The following ST6GALNAC5 variants were observed in gnomAD, a reference collection of about 807,000 sequenced individuals.
ST6GALNAC5 encodes alpha-N-acetylgalactosaminide alpha-2,6-sialyltransferase 5.
Under a neutral mutation model 33.6 loss-of-function variants are expected in ST6GALNAC5, and 27 were observed. That is an observed-to-expected ratio of 0.80 (90% CI 0.59 to 1.11). ST6GALNAC5 has a LOEUF of 1.11. Among genes scored for constraint, ST6GALNAC5 ranks in the 50% least tolerant of loss-of-function variants. ST6GALNAC5 has a pLI of 0.00. For missense variants in ST6GALNAC5, 428 were observed against 454.0 expected (o/e 0.94, Z 0.52); for synonymous variants, 194 against 171.2 (o/e 1.13, Z -1.04).
chr1:76,910,846 T>C (rs1015122458), intron 2 of ST6GALNAC5, among the ~76,000 whole-genome samples: 3 of 151,528 alleles, frequency 2.0e-5, no homozygotes, highest in Non-Finnish European at 2.9e-5. Flanking sequence ...GACTATACAT[T>C]AGGTAAATGG....
chr1:77,021,099 C>T (rs149217333), intron 2 of ST6GALNAC5, among the ~76,000 whole-genome samples: 1 of 152,288 alleles, frequency 6.6e-6, no homozygotes, highest in African/African-American at 2.4e-5. Flanking sequence ...ATATTTAGGG[C>T]AAGTGAAACT....
intron 2 of ST6GALNAC5, among the ~76,000 whole-genome samples, chr1:76,913,480 G>A (rs1407901349): frequency 3.3e-5 from 5 of 151,948 alleles, no homozygotes; most frequent in South Asian, 2.1e-4. Flanking sequence ...TGCTAGATTC[G>A]GGAAGTTCTC....
At chr1:77,035,597 T>G (rs1257799345) in intron 2 of ST6GALNAC5, among the ~76,000 whole-genome samples, 1 of 152,098 alleles carries the variant, frequency 6.6e-6, no homozygotes, top group Non-Finnish European at 1.5e-5. Flanking sequence ...TGGTGGCACT[T>G]ATTTAGGGTG....
intron 2 of ST6GALNAC5, among the ~76,000 whole-genome samples, chr1:76,971,860 C>T (rs533068867): frequency 1.3e-5 from 2 of 152,312 alleles, no homozygotes; most frequent in African/African-American, 4.8e-5. Context: ...TCTGTAGACA[C>T]ATTGTTCAAT....
intron 2 of ST6GALNAC5, among the ~76,000 whole-genome samples, chr1:76,894,371 A>G (rs116356928): frequency 1.8e-3 from 275 of 152,184 alleles, no homozygotes; most frequent in African/African-American, 6.5e-3. Context: ...TGTGGCAGCA[A>G]TGTTTGCGAG....
At chr1:76,960,100 C>CTATCAGGGAAAATTCAGCCAGA (rs1648168116) in intron 2 of ST6GALNAC5, among the ~76,000 whole-genome samples, 1 of 152,110 alleles carries the variant, frequency 6.6e-6, no homozygotes. Context: ...TCACCAGTAG[C>CTATCAGGGAAAATTCAGCCAGA]TATCAGGGAA....
At chr1:77,004,136 A>T (rs1650290305) in intron 2 of ST6GALNAC5, among the ~76,000 whole-genome samples, 1 of 151,520 alleles carries the variant, frequency 6.6e-6, no homozygotes, top group African/African-American at 2.4e-5. Flanking sequence ...CACCAATCAG[A>T]CGTAGATTTG....
intron 2 of ST6GALNAC5, among the ~76,000 whole-genome samples, chr1:76,957,366 C>T (rs1648044602): frequency 6.6e-6 from 1 of 152,164 alleles, no homozygotes; most frequent in Admixed American, 6.5e-5. Context: ...CTCTCTGTCC[C>T]TCCTCTCTTC....
intron 2 of ST6GALNAC5, among the ~76,000 whole-genome samples, chr1:76,912,109 A>G (rs1367076528): frequency 1.3e-5 from 2 of 151,820 alleles, no homozygotes; most frequent in Non-Finnish European, 2.9e-5. Context: ...TGTCCCAGAG[A>G]TTCTGGTATG....
At chr1:76,966,145 A>G (rs1404699511) in intron 2 of ST6GALNAC5, among the ~76,000 whole-genome samples, 1 of 152,156 alleles carries the variant, frequency 6.6e-6, no homozygotes, top group Non-Finnish European at 1.5e-5. Context: ...GAAAAATGTC[A>G]TTGGTAGCTT....
At chr1:76,986,965 A>G (rs11162249) in intron 2 of ST6GALNAC5, among the ~76,000 whole-genome samples, 52,131 of 152,002 alleles carry the variant, frequency 0.34, 10,925 homozygotes, top group Non-Finnish European at 0.45. Flanking sequence ...GGAATTGAAC[A>G]ATGAGATCAG....
At chr1:77,039,351 A>T (rs758879389) in intron 2 of ST6GALNAC5, among the ~76,000 whole-genome samples, 1 of 152,206 alleles carries the variant, frequency 6.6e-6, no homozygotes, top group Non-Finnish European at 1.5e-5. Context: ...GCCAGCCATT[A>T]ATTCCAGGCA....
intron 2 of ST6GALNAC5, among the ~76,000 whole-genome samples, chr1:76,954,760 T>G (rs952559032): frequency 6.6e-5 from 10 of 152,246 alleles, no homozygotes; most frequent in Admixed American, 3.3e-4. Flanking sequence ...ATTTTCAAAC[T>G]AATTGGGTGG....
intron 2 of ST6GALNAC5, among the ~76,000 whole-genome samples, chr1:77,022,685 A>G (rs1651097346): frequency 2.6e-5 from 4 of 152,340 alleles, no homozygotes; most frequent in Admixed American, 2.0e-4. Context: ...AGACCCAGTT[A>G]TATCCATTGT....
At chr1:76,942,269 C>G (rs111296969) in intron 2 of ST6GALNAC5, among the ~76,000 whole-genome samples, 4,066 of 152,122 alleles carry the variant, frequency 0.027, 179 homozygotes, top group African/African-American at 0.092. Context: ...ATGCAGTATT[C>G]CTGAAATTGG....
At chr1:76,988,701 A>C (rs983019300) in intron 2 of ST6GALNAC5, among the ~76,000 whole-genome samples, 1 of 151,972 alleles carries the variant, frequency 6.6e-6, no homozygotes, top group African/African-American at 2.4e-5. Context: ...TCATCATTTC[A>C]ATTTCTTTCC....
chr1:76,875,867 G>A (rs774532437), intron 2 of ST6GALNAC5, among the ~76,000 whole-genome samples: 7 of 152,094 alleles, frequency 4.6e-5, no homozygotes, highest in Non-Finnish European at 8.8e-5. Flanking sequence ...CATTGTAATT[G>A]TGACTTCGAA....
chr1:76,969,059 T>C (rs1193074723), intron 2 of ST6GALNAC5, among the ~76,000 whole-genome samples: 2 of 152,176 alleles, frequency 1.3e-5, no homozygotes, highest in African/African-American at 2.4e-5. Flanking sequence ...CCTTCCAAAA[T>C]GGCCAAATAG....
At chr1:76,997,048 T>G (rs1649965308) in intron 2 of ST6GALNAC5, among the ~76,000 whole-genome samples, 1 of 152,204 alleles carries the variant, frequency 6.6e-6, no homozygotes, top group Admixed American at 6.5e-5. Context: ...GCTGTCACAC[T>G]TACTGTTTCA....
Sources: gnomAD v4.1 joint callset for allele counts (sites outside exome capture counted in the v4.1 genomes callset) on GRCh38, gnomAD v4.1.1 for gene constraint, MANE v1.5 for transcripts, NCBI Gene and HGNC (gene_info 2026-07-23, HGNC 2026-07-21) for gene names.